The following SIPA1L1 variants were observed in gnomAD, a reference collection of about 807,000 sequenced individuals.
The protein encoded by SIPA1L1 is signal induced proliferation associated 1 like 1.
Under a neutral mutation model 162.7 loss-of-function variants are expected in SIPA1L1, and 26 were observed. The ratio of observed to expected loss-of-function variants is 0.16; its 90% CI spans 0.12 to 0.22. The LOEUF (loss-of-function observed/expected upper bound fraction) is 0.22, where lower values mean the gene tolerates loss of function less well. Among genes scored for constraint, SIPA1L1 ranks in the 10% least tolerant of loss-of-function variants. SIPA1L1 has a pLI of 1.00. For missense variants in SIPA1L1, 1,874 were observed against 2,241.0 expected, an observed-to-expected ratio of 0.84 and a Z score of 3.31; for synonymous variants, 829 against 837.4, an observed-to-expected ratio of 0.99 and a Z score of 0.17.
intron 2 of SIPA1L1, among the ~76,000 whole-genome samples, chr14:71,419,873 T>G (rs2140543175): frequency 6.6e-6 from 1 of 152,058 alleles, no homozygotes; most frequent in Admixed American, 6.5e-5. Flanking sequence ...AAAAAAAAAT[T>G]AGCTGGACAT....
intron 4 of SIPA1L1, among the ~76,000 whole-genome samples, chr14:71,569,277 A>G (rs1262177764): frequency 6.6e-6 from 1 of 152,168 alleles, no homozygotes; most frequent in African/African-American, 2.4e-5. Context: ...AGTGTCTTGA[A>G]TGGCTTTACT....
intron 2 of SIPA1L1, among the ~76,000 whole-genome samples, chr14:71,397,519 ATG>A (rs140427345): frequency 6.6e-6 from 1 of 151,834 alleles, no homozygotes; most frequent in Non-Finnish European, 1.5e-5. Context: ...GTGGGGAATA[ATG>A]TGTGTGTGTG....
chr14:71,384,488 G>T (rs893191245), intron 2 of SIPA1L1, among the ~76,000 whole-genome samples: 19 of 152,180 alleles, frequency 1.2e-4, no homozygotes, highest in African/African-American at 4.3e-4. Flanking sequence ...CCGCCGCCTT[G>T]AAACTGGAGC....
rs1194183164 is a variant in SIPA1L1, at chr14:71,740,847, G to C, written c.*1686G>C. On this transcript the variant is annotated 3_prime_UTR_variant, in exon 24 of 24. Coordinates refer to ENST00000381232, the MANE Select transcript of SIPA1L1 (RefSeq NM_001386936.1). ...CATTGCCTGATATCTCTTTGTAAAT[G>C]AGAAATATTGCTAACATCCAAGCAT... 1 of 152,148 alleles carries C rather than the reference G, an allele frequency of 6.6e-6. No homozygotes were observed. Among genetic ancestry groups the C allele is most frequent in the East Asian group, 1.9e-4 (1 of 5,198 alleles). 9.4% of individuals were successfully genotyped at this position (152,148 alleles called of 1,614,324 possible).
At chr14:71,442,315 T>C (rs142783723) in intron 2 of SIPA1L1, among the ~76,000 whole-genome samples, 279 of 152,116 alleles carry the variant, frequency 1.8e-3, no homozygotes, top group Non-Finnish European at 2.5e-3. Context: ...TATTTAATAA[T>C]GTATGTCTTT....
chr14:71,658,170 AG>A (rs1258703647), intron 8 of SIPA1L1, among the ~76,000 whole-genome samples, 162 bp from the exon 9 acceptor site: 1 of 151,852 alleles, frequency 6.6e-6, no homozygotes, highest in Non-Finnish European at 1.5e-5. Context: ...ACTGCCAAAG[AG>A]GATCAAATAC....
At chr14:71,577,007 TG>T (rs1196144996) in intron 4 of SIPA1L1, among the ~76,000 whole-genome samples, 7 of 144,422 alleles carry the variant, frequency 4.8e-5, no homozygotes, top group Non-Finnish European at 9.0e-5. Context: ...CGCTTGAACC[TG>T]GGAGGCAGAG....
chr14:71,719,299 T>C (rs1268716692), intron 17 of SIPA1L1, among the ~76,000 whole-genome samples: 1 of 152,172 alleles, frequency 6.6e-6, no homozygotes, highest in African/African-American at 2.4e-5. Context: ...CTTTTGAGTT[T>C]CTGGGAATGC....
intron 2 of SIPA1L1, among the ~76,000 whole-genome samples, chr14:71,458,492 G>A (rs2046346281): frequency 6.6e-6 from 1 of 152,074 alleles, no homozygotes; most frequent in Non-Finnish European, 1.5e-5. Context: ...TTAGTAACAG[G>A]ATTCATCCCC....
chr14:71,699,602 C>T (rs1196573167), intron 14 of SIPA1L1, among the ~76,000 whole-genome samples: 4 of 152,086 alleles, frequency 2.6e-5, no homozygotes. Flanking sequence ...AAAGAGAGGG[C>T]CCCGGTAAAT....
chr14:71,671,005 T>C, intron 10 of SIPA1L1, 114 bp from the exon 11 acceptor site: 1 of 800,496 alleles, frequency 1.2e-6, no homozygotes, highest in Non-Finnish European at 2.0e-6. Flanking sequence ...CATGGAAAAA[T>C]AAGCAGCTAT....
At position 71,564,490 on chromosome 14, in the gene SIPA1L1, C is replaced by CTTTTTTTTTTTTT. The variant is rs370431365; in HGVS notation, c.-302-23070_-302-23069insTTTTTTTTTTTTT. On this transcript the variant is annotated intron_variant, in intron 4 of 23. Transcript: ENST00000381232. Reference sequence around the variant, plus strand: ...ACTTCTTATCCTCGGCATTTTCTTTCTTTTTTTTTTTCCGAGACAGAGTCT... The same window carrying CTTTTTTTTTTTTT: ...ACTTCTTATCCTCGGCATTTTCTTTCTTTTTTTTTTTTTTTTTTTTTTTTCCGAGACAGAGTCT... Among the ~76,000 whole-genome samples, 53 of 97,770 alleles carry CTTTTTTTTTTTTT rather than the reference C, an allele frequency of 5.4e-4. 7 individuals are homozygous for CTTTTTTTTTTTTT. The highest frequency in any genetic ancestry group is 7.3e-4 in the Non-Finnish European group (38 of 52,190). The allele number at this position is 97,770 out of a possible 152,430, so 64.1% of individuals were successfully genotyped here. A position where few individuals can be genotyped will look rare whatever the true frequency, so the allele number is the denominator to read the frequency against.
intron 2 of SIPA1L1, among the ~76,000 whole-genome samples, chr14:71,429,175 G>C (rs958826704): frequency 6.6e-6 from 1 of 152,048 alleles, no homozygotes; most frequent in Non-Finnish European, 1.5e-5. Context: ...TTTTGTTTTT[G>C]TGGGACATTT....
chr14:71,430,429 A>G (rs894611751), intron 2 of SIPA1L1, among the ~76,000 whole-genome samples: 1 of 152,094 alleles, frequency 6.6e-6, no homozygotes, highest in African/African-American at 2.4e-5. Context: ...CGTCTGTTCC[A>G]TTTTATCTCT....
intron 7 of SIPA1L1, among the ~76,000 whole-genome samples, chr14:71,633,314 G>A (rs2040794035): frequency 6.6e-6 from 1 of 151,828 alleles, no homozygotes; most frequent in Non-Finnish European, 1.5e-5. Flanking sequence ...TAGTATTTTT[G>A]TATTTTTATT....
chr14:71,667,376 C>G (rs2044117056), intron 10 of SIPA1L1, among the ~76,000 whole-genome samples: 1 of 152,198 alleles, frequency 6.6e-6, no homozygotes, highest in Non-Finnish European at 1.5e-5. Flanking sequence ...GTAGGAGACT[C>G]AAATCACTGG....
rs77014368 is a variant in SIPA1L1 at position 71,580,010 on chromosome 14, A to G, written c.-302-7561A>G. Among the ~76,000 whole-genome samples, 1,140 of 152,330 alleles carry G rather than the reference A, an allele frequency of 7.5e-3. 10 individuals are homozygous for G. The highest frequency in any genetic ancestry group is 0.012 in the Non-Finnish European group (811 of 68,034). On this transcript the variant is annotated intron_variant, in intron 4 of 23. Transcript: ENST00000381232. ...TGACAGTGACTGTCTCAAATCGCCAATGTTAGCAGCCTGAAAATTTGTCTT... is the reference window on the plus strand; with the variant it reads ...TGACAGTGACTGTCTCAAATCGCCAGTGTTAGCAGCCTGAAAATTTGTCTT...
intron 2 of SIPA1L1, among the ~76,000 whole-genome samples, chr14:71,431,483 A>G (rs2043983796): frequency 6.6e-6 from 1 of 151,926 alleles, no homozygotes; most frequent in South Asian, 2.1e-4. Context: ...GCGTGAGTCC[A>G]GGAGTTCGAG....
intron 2 of SIPA1L1, among the ~76,000 whole-genome samples, chr14:71,343,095 A>G (rs745849180): frequency 5.3e-4 from 81 of 152,324 alleles, no homozygotes; most frequent in Non-Finnish European, 9.1e-4. Flanking sequence ...CATTGCAACA[A>G]TAAATCACCT....
Sources: allele counts gnomAD v4.1 joint callset (sites outside exome capture counted in the v4.1 genomes callset), GRCh38; gene constraint gnomAD v4.1.1; transcripts MANE v1.5; gene names NCBI Gene and HGNC (gene_info 2026-07-23, HGNC 2026-07-21).